The following GAN variants were observed in gnomAD, a reference collection of about 807,000 sequenced individuals.
GAN encodes the protein epididymis secretory sperm binding protein.
In GAN, 48 loss-of-function variants were observed where a neutral mutation model predicts 71.3. The observed-to-expected ratio is 0.67, with a 90% CI of 0.53 to 0.86. The LOEUF is 0.86. Among genes scored for constraint, GAN ranks in the 40% least tolerant of loss-of-function variants. The pLI, the probability that GAN is intolerant of heterozygous loss-of-function variation, is 0.00. For synonymous variants in GAN, 386 were observed against 276.8 expected, an observed-to-expected ratio of 1.39 and a Z score of -3.92; for missense variants, 928 against 770.1, an observed-to-expected ratio of 1.21 and a Z score of -2.43.
chr16:81,338,411 A>G (rs993841077), intron 1 of GAN, among the ~76,000 whole-genome samples: 4 of 152,192 alleles, frequency 2.6e-5, no homozygotes, highest in African/African-American at 9.6e-5. Flanking sequence ...ATCAGTTATT[A>G]ACCCTTTAGC....
At chr16:81,360,995 G>A (rs888566504) in intron 5 of GAN, among the ~76,000 whole-genome samples, 8 of 152,156 alleles carry the variant, frequency 5.3e-5, no homozygotes, top group Admixed American at 2.6e-4. Context: ...AGGCTGAGGC[G>A]GGTGGATCAT....
At chr16:81,342,955 G>A (rs1226181828) in intron 1 of GAN, among the ~76,000 whole-genome samples, 4 of 152,094 alleles carry the variant, frequency 2.6e-5, no homozygotes, top group Non-Finnish European at 2.9e-5. Context: ...TATCACCACC[G>A]ATCCCAAAGA....
intron 9 of GAN, among the ~76,000 whole-genome samples, chr16:81,373,692 C>T (rs1904274480): frequency 6.6e-6 from 1 of 152,164 alleles, no homozygotes; most frequent in African/African-American, 2.4e-5. Flanking sequence ...ATCCAGGATT[C>T]TACCTTGCAT....
rs886052348 is a variant in GAN, at chr16:81,379,623, T to A, written c.*2027T>A. On this transcript the variant is annotated 3_prime_UTR_variant, in exon 11 of 11. Transcript: ENST00000648994. ...TCTTTTTACAACTAGATATTAGTTT[T>A]AGAGGAAGGAAATAGCTGAAAAACT... 1 of 152,222 alleles carries A rather than the reference T, an allele frequency of 6.6e-6. No homozygotes were observed. Among genetic ancestry groups the A allele is most frequent in the Non-Finnish European group, 1.5e-5 (1 of 68,036 alleles). The allele number at this position is 152,222 out of a possible 1,614,324, so 9.4% of individuals were successfully genotyped here.
chr16:81,325,627 T>C lies in GAN; in HGVS notation c.167+10347T>C, dbSNP rs367608574. On this transcript the variant is annotated intron_variant, in intron 1 of 10. Coordinates refer to ENST00000648994, the MANE Select transcript of GAN (RefSeq NM_022041.4). ...GATGAACATGGAGCTACTAGACCAA[T>C]TGAGAGCAGCGCACTGGGACAGTGT... Among the ~76,000 whole-genome samples, 34 of 152,274 alleles carry C rather than the reference T, an allele frequency of 2.2e-4. No individual in the cohort carries two copies. The South Asian group carries it at 6.8e-3, about 31-fold the overall frequency.
At chr16:81,362,717 C>T in intron 6 of GAN, 106 bp downstream of exon 6, 1 of 743,104 alleles carries the variant, frequency 1.3e-6, no homozygotes, top group Non-Finnish European at 2.5e-6. Context: ...CTTGTCAAGC[C>T]ACCTGCCTCA....
rs1266914432 is a variant in GAN at position 81,381,505 on chromosome 16, G to A, written c.*3909G>A. ...GCTGCTCACTGAGCACTGGAGTCCA[G>A]GAAGTCAGTGAGAAGAGAGCAGCTG... is the stretch of plus-strand genomic sequence containing the variant. On this transcript the variant is annotated 3_prime_UTR_variant, in exon 11 of 11. Transcript: ENST00000648994. 2.6e-5 allele frequency: 4 copies of A among 152,214 alleles called. No homozygotes were observed. The highest frequency in any genetic ancestry group is 1.9e-4 in the East Asian group (1 of 5,196). 9.4% of individuals were successfully genotyped at this position (152,214 alleles called of 1,614,324 possible). A position where few individuals can be genotyped will look rare whatever the true frequency, so the allele number is the denominator to read the frequency against.
At chr16:81,370,424 A>G (rs973352589) in intron 9 of GAN, among the ~76,000 whole-genome samples, 1 of 152,266 alleles carries the variant, frequency 6.6e-6, no homozygotes, top group Non-Finnish European at 1.5e-5. Flanking sequence ...TGTAATTACC[A>G]CTAGTAAGAG....
intron 1 of GAN, among the ~76,000 whole-genome samples, chr16:81,349,284 C>G (rs1325645357): frequency 1.3e-5 from 2 of 151,990 alleles, no homozygotes; most frequent in Non-Finnish European, 2.9e-5. Flanking sequence ...CTCGGCTTTG[C>G]TTACTGCTAA....
At chr16:81,344,424 A>G (rs953615082) in intron 1 of GAN, among the ~76,000 whole-genome samples, 2 of 152,210 alleles carry the variant, frequency 1.3e-5, no homozygotes, top group Non-Finnish European at 2.9e-5. Context: ...ACAGATATAT[A>G]GACCAATGGA....
rs1373462718 is a variant in GAN at position 81,315,182 on chromosome 16, C to T, written c.69C>T (p.Phe23=). 3 of 1,572,256 alleles carry T rather than the reference C, an allele frequency of 1.9e-6. No individual in the cohort carries two copies. Among genetic ancestry groups the T allele is most frequent in the Non-Finnish European group, 2.6e-6 (3 of 1,161,688 alleles). ...AARLLRALSS[F]REESRFCDAH... ...GTCTGCTGCGAGCGCTCAGCTCTTT[C>T]CGCGAGGAGTCTCGCTTCTGCGACG... Residue 23 remains phenylalanine (F), a synonymous_variant, in exon 1 of 11, where the codon TTC becomes TTT. Transcript: ENST00000648994.
At chr16:81,366,708 A>G (rs1224132139) in intron 9 of GAN, among the ~76,000 whole-genome samples, 6 of 152,172 alleles carry the variant, frequency 3.9e-5, no homozygotes, top group Non-Finnish European at 7.3e-5. Flanking sequence ...AAAATTTATT[A>G]GAGAGCAGTT....
chr16:81,371,485 A>G lies in GAN; in HGVS notation c.1503-5734A>G, dbSNP rs146642325. Among the ~76,000 whole-genome samples, 312 of 152,324 alleles carry G rather than the reference A, an allele frequency of 2.0e-3. 2 individuals carry two copies. The highest frequency in any genetic ancestry group is 7.0e-3 in the African/African-American group (290 of 41,580). ...GTTTTAGTCAGCAATTGACTTGGTT[A>G]GACTTAAATTGCAAGCTGTGCCACC... On this transcript the variant is annotated intron_variant, in intron 9 of 10. Transcript: ENST00000648994.
chr16:81,328,940 G>A (rs1222637035), intron 1 of GAN, among the ~76,000 whole-genome samples: 1 of 152,026 alleles, frequency 6.6e-6, no homozygotes, highest in Non-Finnish European at 1.5e-5. Flanking sequence ...TTCTATCTCC[G>A]TGGCTAAACA....
At chr16:81,334,868 C>G (rs1329816850) in intron 1 of GAN, among the ~76,000 whole-genome samples, 1 of 152,212 alleles carries the variant, frequency 6.6e-6, no homozygotes, top group Non-Finnish European at 1.5e-5. Context: ...TGGCTGCGTG[C>G]TCATTTATCA....
chr16:81,359,623 C>T (rs757443768), intron 5 of GAN, among the ~76,000 whole-genome samples: 48 of 152,068 alleles, frequency 3.2e-4, no homozygotes, highest in Middle Eastern at 3.2e-3. Context: ...ATTTTCCATA[C>T]TCTTACAGTT....
intron 9 of GAN, among the ~76,000 whole-genome samples, chr16:81,370,462 C>T (rs1911003489): frequency 6.6e-6 from 1 of 152,202 alleles, no homozygotes; most frequent in African/African-American, 2.4e-5. Context: ...GAAAAGAGGA[C>T]TCTGAAAACT....
At chr16:81,374,137 A>G (rs1266406563) in intron 9 of GAN, among the ~76,000 whole-genome samples, 1 of 152,196 alleles carries the variant, frequency 6.6e-6, no homozygotes, top group Non-Finnish European at 1.5e-5. Flanking sequence ...GGATTGATCT[A>G]ATGATTTCTT....
Position 81,388,489 on chromosome 16 carries a change from C to G in GAN, c.*10893C>G, listed in dbSNP as rs547712375. 2.6e-5 allele frequency: 4 copies of G among 152,458 alleles called. No individual in the cohort carries two copies. The highest frequency in any genetic ancestry group is 7.2e-5 in the African/African-American group (3 of 41,462). The allele number at this position is 152,458 out of a possible 1,614,324, so 9.4% of individuals were successfully genotyped here. A position where few individuals can be genotyped will look rare whatever the true frequency, so the allele number is the denominator to read the frequency against. On this transcript the variant is annotated 3_prime_UTR_variant, in exon 11 of 11. Transcript: ENST00000648994. ...TCTGAGGCACCGCCAAGGACACATC[C>G]CAGCGCCTTAGGCACCTGTAGGCTA...
Sources: allele counts gnomAD v4.1 joint callset (sites outside exome capture counted in the v4.1 genomes callset), GRCh38; gene constraint gnomAD v4.1.1; transcripts MANE v1.5; gene names NCBI Gene and HGNC (gene_info 2026-07-23, HGNC 2026-07-21).